The following PRDM1 variants were observed in gnomAD, a reference collection of about 807,000 sequenced individuals.
The protein encoded by PRDM1 is PR domain zinc finger protein 1.
PRDM1 carries 13 observed loss-of-function variants against 62.8 expected under a neutral mutation model. That is an observed-to-expected ratio of 0.21 (90% CI 0.13 to 0.33). PRDM1 has a LOEUF of 0.33. PRDM1 is among the 10% of genes least tolerant of loss of function. The pLI, the probability that PRDM1 is intolerant of heterozygous loss-of-function variation, is 1.00. For missense variants in PRDM1, 895 were observed against 1,058.8 expected (o/e 0.85, Z 2.15); for synonymous variants, 396 against 417.6 (o/e 0.95, Z 0.63).
At chr6:106,098,199 C>T in intron 3 of PRDM1, 2 of 985,000 alleles carry the variant, frequency 2.0e-6, no homozygotes, top group Non-Finnish European at 1.2e-6. Context: ...GACTGCAAGT[C>T]GCAGATCACA....
intron 3 of PRDM1, chr6:106,098,898 G>C (rs945223018): frequency 6.6e-7 from 1 of 1,509,900 alleles, no homozygotes; most frequent in Non-Finnish European, 8.9e-7. Flanking sequence ...CTTCTACCCA[G>C]TGACTCAAAG....
At position 106,099,317 on chromosome 6, in the gene PRDM1, G is replaced by A. The variant is rs773812597; in HGVS notation, c.429G>A (p.Glu143=). The change falls in exon 4 of 7, where the codon GAG becomes GAA. Residue 143 remains glutamate (E), a synonymous_variant. Coordinates refer to ENST00000369096, the MANE Select transcript of PRDM1 (RefSeq NM_001198.4). ...KYFWRIYSRG[E]LHHFIDGFNE... ...TTGGACAGATCTATTCCAGAGGGGAGCTTCACCACTTCATTGACGGCTTTA... is the reference window on the plus strand; with the variant it reads ...TTGGACAGATCTATTCCAGAGGGGAACTTCACCACTTCATTGACGGCTTTA... 709 of 1,614,084 alleles carry A rather than the reference G, an allele frequency of 4.4e-4. 1 individual carries two copies. Among genetic ancestry groups the A allele is most frequent in the Non-Finnish European group, 1.9e-4 (219 of 1,179,994 alleles).
chr6:106,099,809 A>G (rs1470106855), intron 4 of PRDM1: 3 of 485,026 alleles, frequency 6.2e-6, no homozygotes, highest in Non-Finnish European at 1.1e-5. Flanking sequence ...GAAGAAATAT[A>G]TGTCCAATTC....
intron 1 of PRDM1, among the ~76,000 whole-genome samples, chr6:106,028,419 G>T (rs1349929103): frequency 6.6e-6 from 1 of 152,170 alleles, no homozygotes; most frequent in East Asian, 1.9e-4. Flanking sequence ...CTTATCTGTG[G>T]TTTGTAATAG....
chr6:106,031,815 A>G (rs1772847662), intron 1 of PRDM1, among the ~76,000 whole-genome samples: 1 of 152,252 alleles, frequency 6.6e-6, no homozygotes, highest in Non-Finnish European at 1.5e-5. Flanking sequence ...AAAGAGAAGT[A>G]GATCAGCTAT....
rs1226783609 is a variant in PRDM1, at chr6:105,994,424, C to T, written c.-67+785C>T. Reference sequence around the variant, plus strand: ...CTACAGCGACGCTTCCGCTGGAAGACGAGCGGGGACGCGTGACAGCGCGGG... The same window carrying T: ...CTACAGCGACGCTTCCGCTGGAAGATGAGCGGGGACGCGTGACAGCGCGGG... On this transcript the variant is annotated intron_variant, in intron 1 of 6. Coordinates refer to the PRDM1 transcript ENST00000652320. The surrounding 1 kb of genome is among the most constrained non-coding windows in gnomAD (Gnocchi z 4.1). 6.6e-6 allele frequency among the ~76,000 whole-genome samples: 1 copy of T among 151,558 alleles called. No individual in the cohort carries two copies. Among genetic ancestry groups the T allele is most frequent in the South Asian group, 2.1e-4 (1 of 4,812 alleles).
chr6:106,098,071 G>A (rs937478704), intron 3 of PRDM1: 12 of 349,412 alleles, frequency 3.4e-5, no homozygotes, highest in African/African-American at 6.7e-5. Flanking sequence ...ACGTTTGAGC[G>A]AAATACAGAA....
intron 1 of PRDM1, among the ~76,000 whole-genome samples, chr6:106,075,475 G>A (rs1202299121): frequency 6.6e-6 from 1 of 152,162 alleles, no homozygotes; most frequent in East Asian, 1.9e-4. Context: ...CTTGAGAAAT[G>A]CAAGACATTT....
intron 1 of PRDM1, among the ~76,000 whole-genome samples, chr6:106,058,077 C>T (rs1257537295): frequency 6.6e-6 from 1 of 152,196 alleles, no homozygotes; most frequent in Admixed American, 6.5e-5. Flanking sequence ...ACATTACATA[C>T]CACCCTGCAC....
intron 1 of PRDM1, among the ~76,000 whole-genome samples, chr6:106,050,348 G>T (rs1020307571): frequency 1.3e-5 from 2 of 152,126 alleles, no homozygotes; most frequent in African/African-American, 4.8e-5. Context: ...TATCTCTAAG[G>T]TTCTTCATGG....
intron 1 of PRDM1, among the ~76,000 whole-genome samples, chr6:106,078,507 CCTT>C: frequency 6.6e-6 from 1 of 152,326 alleles, no homozygotes; most frequent in Admixed American, 6.5e-5. Context: ...CAGCCAGATG[CCTT>C]CTTTGTGTTA....
rs115191074 is a variant in PRDM1 at position 106,055,756 on chromosome 6, C to G, written c.-67+7042C>G. Among the ~76,000 whole-genome samples, 705 of 152,304 alleles carry G rather than the reference C, an allele frequency of 4.6e-3. 5 individuals are homozygous for G. Among genetic ancestry groups the G allele is most frequent in the African/African-American group, 0.016 (680 of 41,572 alleles). On this transcript the variant is annotated intron_variant, in intron 1 of 6. Transcript: ENST00000651185. Reference sequence around the variant, plus strand: ...AAAAAAGCTAGTTGGTGTTTATTAACTAACTTTCTTGCCATGGTTCTGGAG... The same window carrying G: ...AAAAAAGCTAGTTGGTGTTTATTAAGTAACTTTCTTGCCATGGTTCTGGAG...
intron 1 of PRDM1, among the ~76,000 whole-genome samples, chr6:106,069,659 G>A (rs773846417): frequency 1.3e-4 from 20 of 152,332 alleles, no homozygotes; most frequent in Non-Finnish European, 7.3e-5. Flanking sequence ...CAAATGACAC[G>A]TGCCAAACAC....
chr6:106,055,680 G>C (rs1359254262), intron 1 of PRDM1, among the ~76,000 whole-genome samples: 2 of 152,180 alleles, frequency 1.3e-5, no homozygotes, highest in African/African-American at 4.8e-5. Context: ...AAGATGCTTT[G>C]AGCAGAACTT....
At chr6:106,087,407 A>G (rs1169483712) in intron 1 of PRDM1, among the ~76,000 whole-genome samples, 1 of 152,208 alleles carries the variant, frequency 6.6e-6, no homozygotes, top group Non-Finnish European at 1.5e-5. Context: ...TCTCCAGGGA[A>G]TTTTATTAAA....
intron 1 of PRDM1, among the ~76,000 whole-genome samples, chr6:106,005,874 C>T (rs896854117): frequency 3.9e-5 from 6 of 152,148 alleles, no homozygotes; most frequent in African/African-American, 1.4e-4. Context: ...GAAAACTTTA[C>T]GGTTAGATAT....
intron 1 of PRDM1, among the ~76,000 whole-genome samples, chr6:106,040,225 A>AAGAAATC (rs1316382529): frequency 2.6e-5 from 4 of 152,214 alleles, no homozygotes; most frequent in African/African-American, 9.6e-5. Context: ...GACATTAATG[A>AAGAAATC]AGAAATCAGA....
chr6:106,104,681 A>G, intron 4 of PRDM1, 144 bp from the exon 5 acceptor site: 4 of 1,074,424 alleles, frequency 3.7e-6, no homozygotes, highest in Middle Eastern at 2.1e-4. Context: ...GCCTTCTAGA[A>G]TGAGAGTGCG....
At chr6:106,048,834 T>C (rs1773122148) in intron 1 of PRDM1, among the ~76,000 whole-genome samples, 1 of 152,172 alleles carries the variant, frequency 6.6e-6, no homozygotes, top group South Asian at 2.1e-4. Context: ...CTTCCATTTT[T>C]TTTTTTCTTT....
Sources: allele counts gnomAD v4.1 joint callset (sites outside exome capture counted in the v4.1 genomes callset), GRCh38; gene constraint gnomAD v4.1.1; non-coding constraint Gnocchi (gnomAD v3.1); transcripts MANE v1.5; gene names NCBI Gene and HGNC (gene_info 2026-07-23, HGNC 2026-07-21).